KIAA1217: variants seen among roughly 807,000 people sequenced by gnomAD.
The protein encoded by KIAA1217 is sickle tail protein homolog.
Under a neutral mutation model 163.9 loss-of-function variants are expected in KIAA1217, and 88 were observed. That is an observed-to-expected ratio of 0.54 (90% CI 0.45 to 0.64). The LOEUF (loss-of-function observed/expected upper bound fraction) is 0.64. Ranked by LOEUF, KIAA1217 falls within the 30% of genes least tolerant of loss-of-function variation. The pLI is 0.00. For missense variants in KIAA1217, 2,372 were observed against 2,475.0 expected (o/e 0.96, Z 0.88); for synonymous variants, 903 against 923.1 (o/e 0.98, Z 0.39).
intron 2 of KIAA1217, among the ~76,000 whole-genome samples, chr10:24,122,955 A>C (rs1375675831): frequency 6.6e-6 from 1 of 151,922 alleles, no homozygotes; most frequent in Non-Finnish European, 1.5e-5. Context: ...ACCACCAAAA[A>C]TATGTTATTT....
At chr10:24,378,171 T>C (rs928320200) in intron 2 of KIAA1217, among the ~76,000 whole-genome samples, 7 of 152,214 alleles carry the variant, frequency 4.6e-5, no homozygotes, top group Admixed American at 2.6e-4. Flanking sequence ...CTGTAGACAT[T>C]GACTAATAGA....
chr10:24,374,724 G>T (rs527404647), intron 2 of KIAA1217, among the ~76,000 whole-genome samples: 8 of 152,176 alleles, frequency 5.3e-5, no homozygotes, highest in Non-Finnish European at 1.2e-4. Context: ...CACAGAAGCC[G>T]TGGGAAGTTG....
intron 1 of KIAA1217, among the ~76,000 whole-genome samples, chr10:23,912,547 T>C (rs952485487): frequency 1.2e-4 from 19 of 152,238 alleles, no homozygotes; most frequent in African/African-American, 3.9e-4. Flanking sequence ...TGTGTACCCA[T>C]TGTTTAGCTC....
intron 2 of KIAA1217, among the ~76,000 whole-genome samples, chr10:24,153,471 A>T (rs2064720954): frequency 6.6e-6 from 1 of 152,172 alleles, no homozygotes; most frequent in Admixed American, 6.5e-5. Context: ...TTTTTATTTC[A>T]CCTTAGTTTT....
At chr10:23,716,958 G>T (rs1837611232) in intron 1 of KIAA1217, among the ~76,000 whole-genome samples, 1 of 151,718 alleles carries the variant, frequency 6.6e-6, no homozygotes, top group African/African-American at 2.4e-5. Flanking sequence ...ATTTATACTT[G>T]TCACTCTCCC....
At chr10:24,412,416 G>T (rs1048134808) in intron 3 of KIAA1217, among the ~76,000 whole-genome samples, 4 of 152,152 alleles carry the variant, frequency 2.6e-5, no homozygotes, top group Non-Finnish European at 5.9e-5. Flanking sequence ...ACTGTTTCCA[G>T]TTCTTCTCCT....
chr10:24,259,298 C>G (rs895630547), intron 2 of KIAA1217, among the ~76,000 whole-genome samples: 39 of 152,068 alleles, frequency 2.6e-4, no homozygotes, highest in Non-Finnish European at 1.0e-4. Flanking sequence ...CTTGGAATTA[C>G]CCTAATAGGT....
chr10:24,374,229 G>A (rs944546504), intron 2 of KIAA1217, among the ~76,000 whole-genome samples: 63 of 152,276 alleles, frequency 4.1e-4, no homozygotes, highest in African/African-American at 1.4e-3. Context: ...TAGGAGAAAC[G>A]TGAGAATCTC....
rs1183009109 is a variant in KIAA1217 at position 23,934,625 on chromosome 10, A to ATTTTTTTTTTTT, written c.-320-72590_-320-72589insTTTTTTTTTTTT. ...TATATATGTATATATATATATATAT[A>ATTTTTTTTTTTT]TTTTTTTTTTGAGACGGAGTCTCGC... On this transcript the variant is annotated intron_variant, in intron 1 of 18. Coordinates refer to the KIAA1217 transcript ENST00000376462. 5.4e-4 allele frequency among the ~76,000 whole-genome samples: 37 copies of ATTTTTTTTTTTT among 68,526 alleles called. 1 individual carries two copies. The highest frequency in any genetic ancestry group is 3.1e-3 in the African/African-American group (34 of 10,832). The allele number at this position is 68,526 out of a possible 152,430, so 45.0% of individuals were successfully genotyped here.
intron 2 of KIAA1217, among the ~76,000 whole-genome samples, chr10:24,065,504 G>A (rs2060904643): frequency 6.6e-6 from 1 of 152,174 alleles, no homozygotes. Context: ...TGTGGTCTGA[G>A]AGACAGTTTG....
intron 1 of KIAA1217, among the ~76,000 whole-genome samples, chr10:23,859,245 A>T (rs1479102179): frequency 2.0e-5 from 3 of 152,164 alleles, no homozygotes; most frequent in Non-Finnish European, 2.9e-5. Flanking sequence ...GAACCTCTGG[A>T]CTACACAGTC....
chr10:24,192,007 G>A (rs1408859038), intron 2 of KIAA1217, among the ~76,000 whole-genome samples: 1 of 152,228 alleles, frequency 6.6e-6, no homozygotes, highest in Non-Finnish European at 1.5e-5. Flanking sequence ...GCCTCCCAAA[G>A]TGTTGGGATT....
chr10:24,090,148 C>CTTTCTT (rs1188990933), intron 2 of KIAA1217, among the ~76,000 whole-genome samples: 2 of 141,384 alleles, frequency 1.4e-5, no homozygotes, highest in South Asian at 2.3e-4. Flanking sequence ...TTTTTTCTTT[C>CTTTCTT]TTTCTTTTTC....
At chr10:24,001,013 T>C (rs923865477) in intron 1 of KIAA1217, among the ~76,000 whole-genome samples, 2 of 152,160 alleles carry the variant, frequency 1.3e-5, no homozygotes, top group African/African-American at 2.4e-5. Context: ...TTTGATTTTG[T>C]TGAATTAAAA....
intron 1 of KIAA1217, among the ~76,000 whole-genome samples, chr10:23,746,335 C>A (rs928235420): frequency 1.3e-5 from 2 of 152,196 alleles, no homozygotes; most frequent in African/African-American, 4.8e-5. Flanking sequence ...GATGCTGGTG[C>A]CTTGCTTCTT....
intron 2 of KIAA1217, among the ~76,000 whole-genome samples, chr10:24,189,303 G>A (rs1223824118): frequency 2.0e-5 from 3 of 152,092 alleles, no homozygotes; most frequent in African/African-American, 7.2e-5. Context: ...GGCCGAAGGA[G>A]CACAGAGATC....
rs370372414 is a variant in KIAA1217 at position 24,473,899 on chromosome 10, G to A, written c.1518G>A (p.Pro506=). 18 of 1,614,116 alleles carry A rather than the reference G, an allele frequency of 1.1e-5. No individual in the cohort carries two copies. Among genetic ancestry groups the A allele is most frequent in the Admixed American group, 3.3e-5 (2 of 60,018 alleles). ...PHTMQPDRAS[P]SRQAFKKEPG... ...CCATGCAGCCAGACCGGGCCTCTCC[G>A]AGCCGCCAGGCCTTTAAAAAGGAGC... is the stretch of plus-strand genomic sequence containing the variant. Residue 506 remains proline (P), a synonymous_variant, in exon 6 of 21, where the codon CCG becomes CCA. Transcript: ENST00000376454.
intron 1 of KIAA1217, among the ~76,000 whole-genome samples, chr10:23,726,324 A>G (rs1181349027): frequency 6.7e-6 from 1 of 149,770 alleles, no homozygotes; most frequent in Non-Finnish European, 1.5e-5. Flanking sequence ...TTTTAGACAA[A>G]TCATATTTTT....
chr10:23,977,178 G>T (rs542375491), intron 1 of KIAA1217, among the ~76,000 whole-genome samples: 1 of 152,238 alleles, frequency 6.6e-6, no homozygotes, highest in South Asian at 2.1e-4. Context: ...AAAGAATTTT[G>T]ATTTGGTTGT....
Sources: gnomAD v4.1 joint callset for allele counts (sites outside exome capture counted in the v4.1 genomes callset) on GRCh38, gnomAD v4.1.1 for gene constraint, MANE v1.5 for transcripts, NCBI Gene and HGNC (gene_info 2026-07-23, HGNC 2026-07-21) for gene names.